The following LRRC7 variants were observed in gnomAD, a reference collection of about 807,000 sequenced individuals.
LRRC7 encodes the protein leucine rich repeat containing 7.
A neutral mutation model predicts 175.7 loss-of-function variants in LRRC7; 23 were observed. The observed-to-expected ratio is 0.13, with a 90% CI of 0.09 to 0.19. The LOEUF (loss-of-function observed/expected upper bound fraction) is 0.19. LRRC7 is among the 10% of genes least tolerant of loss of function. The pLI, the probability that LRRC7 is intolerant of heterozygous loss-of-function variation, is 1.00. For missense variants in LRRC7, 1,354 were observed against 1,904.7 expected, an observed-to-expected ratio of 0.71 and a Z score of 5.38; for synonymous variants, 685 against 680.9, an observed-to-expected ratio of 1.01 and a Z score of -0.09.
At chr1:69,962,436 C>T (rs1651189690) in intron 8 of LRRC7, among the ~76,000 whole-genome samples, 2 of 152,010 alleles carry the variant, frequency 1.3e-5, no homozygotes, top group Admixed American at 1.3e-4. Flanking sequence ...TCCTCAAAGA[C>T]CTAAAGAAAG....
rs1337271798 is a variant in LRRC7 at position 70,129,037 on chromosome 1, G to C, written c.*7150G>C. ...GAGGCAGGTGGATCACTTGAGGTCA[G>C]GAATTGGATACCAGCCTGACCAACA... On this transcript the variant is annotated 3_prime_UTR_variant, in exon 27 of 27. Transcript: ENST00000651989. Among the ~76,000 whole-genome samples, 1 of 152,052 alleles carries C rather than the reference G, an allele frequency of 6.6e-6. No homozygotes were observed. Among genetic ancestry groups the C allele is most frequent in the Non-Finnish European group, 1.5e-5 (1 of 68,020 alleles).
chr1:69,962,842 C>A (rs899977781), intron 8 of LRRC7, among the ~76,000 whole-genome samples: 2 of 151,626 alleles, frequency 1.3e-5, no homozygotes, highest in Admixed American at 1.3e-4. Flanking sequence ...GGGTGGGAGG[C>A]GGGAGAGAAT....
chr1:69,688,545 C>T (rs1233561568), intron 2 of LRRC7, among the ~76,000 whole-genome samples: 2 of 151,580 alleles, frequency 1.3e-5, no homozygotes, highest in African/African-American at 2.4e-5. Context: ...GGGCTGGCAT[C>T]GATGTTCTGC....
chr1:69,731,134 C>T (rs1233742347), intron 2 of LRRC7, among the ~76,000 whole-genome samples: 1 of 151,656 alleles, frequency 6.6e-6, no homozygotes, highest in African/African-American at 2.4e-5. Flanking sequence ...AACCCCATCT[C>T]TACTAAAAAT....
intron 2 of LRRC7, among the ~76,000 whole-genome samples, chr1:69,705,080 T>G (rs1663856758): frequency 6.6e-6 from 1 of 152,186 alleles, no homozygotes; most frequent in Non-Finnish European, 1.5e-5. Flanking sequence ...CAATTTCTAA[T>G]TTGTAAACTT....
intron 19 of LRRC7, 49 bp downstream of exon 19, chr1:70,036,281 T>C (rs777940433): frequency 6.7e-7 from 1 of 1,496,188 alleles, no homozygotes. Context: ...TGCATGTGCA[T>C]GATGAATCGC....
intron 8 of LRRC7, among the ~76,000 whole-genome samples, chr1:69,973,281 AG>A (rs1652458949): frequency 6.6e-6 from 1 of 151,830 alleles, no homozygotes; most frequent in Non-Finnish European, 1.5e-5. Flanking sequence ...TTGAGGTCTC[AG>A]GGGGAAAGGG....
chr1:69,792,195 T>G, intron 4 of LRRC7, 35 bp downstream of exon 4: 1 of 1,181,896 alleles, frequency 8.5e-7, no homozygotes, highest in Non-Finnish European at 1.2e-6. Context: ...ATACCTAGAA[T>G]TTTTTAACTG....
At chr1:69,865,211 G>A (rs1405914068) in intron 7 of LRRC7, among the ~76,000 whole-genome samples, 1 of 152,066 alleles carries the variant, frequency 6.6e-6, no homozygotes, top group African/African-American at 2.4e-5. Flanking sequence ...TATCAGCGAT[G>A]GTTCCAGTAG....
At chr1:69,670,627 A>C (rs747534335) in intron 1 of LRRC7, among the ~76,000 whole-genome samples, 6 of 152,216 alleles carry the variant, frequency 3.9e-5, no homozygotes, top group Non-Finnish European at 8.8e-5. Flanking sequence ...AGGGAGGTCC[A>C]GAGGTCCCAT....
At chr1:69,616,805 G>C (rs184067278) in intron 1 of LRRC7, among the ~76,000 whole-genome samples, 1 of 152,158 alleles carries the variant, frequency 6.6e-6, no homozygotes, top group East Asian at 1.9e-4. Context: ...AATGGCAAGG[G>C]ATAGGCTACT....
intron 11 of LRRC7, among the ~76,000 whole-genome samples, chr1:70,000,966 C>G (rs1655464600): frequency 6.6e-6 from 1 of 152,162 alleles, no homozygotes; most frequent in South Asian, 2.1e-4. Flanking sequence ...ATATAATCAC[C>G]AGCAAATTTC....
intron 1 of LRRC7, among the ~76,000 whole-genome samples, chr1:69,659,549 C>G (rs900000216): frequency 1.3e-5 from 2 of 150,284 alleles, no homozygotes; most frequent in African/African-American, 4.9e-5. Flanking sequence ...CAAGGAAGGA[C>G]AGTTGAATAA....
At chr1:69,927,178 A>G (rs1048513167) in intron 7 of LRRC7, among the ~76,000 whole-genome samples, 19 of 152,164 alleles carry the variant, frequency 1.2e-4, no homozygotes, top group African/African-American at 4.6e-4. Context: ...AAGAGATCCC[A>G]TGTTAGTCTG....
chr1:69,701,845 G>C (rs549435269), intron 2 of LRRC7, among the ~76,000 whole-genome samples: 1 of 152,176 alleles, frequency 6.6e-6, no homozygotes, highest in African/African-American at 2.4e-5. Context: ...AGTGCACAGA[G>C]GATATTCATA....
At chr1:69,716,216 C>A in intron 2 of LRRC7, 1 of 482,772 alleles carries the variant, frequency 2.1e-6, no homozygotes, top group Non-Finnish European at 3.8e-6. Context: ...GAATAACTAG[C>A]AAGTAGATAC....
chr1:69,855,868 T>C (rs755022361), intron 7 of LRRC7, among the ~76,000 whole-genome samples: 7 of 152,234 alleles, frequency 4.6e-5, no homozygotes, highest in Non-Finnish European at 8.8e-5. Context: ...TTGATCCCTA[T>C]ACCATTAGGT....
At chr1:69,761,083 T>A (rs758276424) in intron 3 of LRRC7, among the ~76,000 whole-genome samples, 38 of 152,000 alleles carry the variant, frequency 2.5e-4, no homozygotes, top group Non-Finnish European at 4.1e-4. Context: ...AAAGACTGGA[T>A]GATAAGAGAT....
intron 3 of LRRC7, among the ~76,000 whole-genome samples, chr1:69,785,264 A>C (rs1674273062): frequency 6.6e-6 from 1 of 152,130 alleles, no homozygotes; most frequent in Admixed American, 6.5e-5. Context: ...ATTCCTGGTA[A>C]ACTGAAGTGA....
Sources: allele counts gnomAD v4.1 joint callset (sites outside exome capture counted in the v4.1 genomes callset), GRCh38; gene constraint gnomAD v4.1.1; transcripts MANE v1.5; gene names NCBI Gene and HGNC (gene_info 2026-07-23, HGNC 2026-07-21).